KIF26B: variants seen among roughly 807,000 people sequenced by gnomAD.
The protein encoded by KIF26B is kinesin-like protein KIF26B.
KIF26B carries 63 observed loss-of-function variants against 151.2 expected under a neutral mutation model. The observed-to-expected ratio is 0.42, with a 90% CI of 0.34 to 0.51. The LOEUF is 0.51. Among genes scored for constraint, KIF26B ranks in the 20% least tolerant of loss-of-function variants. The probability of loss-of-function intolerance (pLI) is 0.07; values close to 1 mark genes in which losing one functional copy is unlikely to be tolerated. For synonymous variants in KIF26B, 1,357 were observed against 1,262.1 expected, an observed-to-expected ratio of 1.08 and a Z score of -1.59; for missense variants, 2,813 against 2,913.6, an observed-to-expected ratio of 0.97 and a Z score of 0.79.
intron 2 of KIF26B, among the ~76,000 whole-genome samples, chr1:245,229,910 G>A (rs1485028301): frequency 1.3e-5 from 2 of 152,086 alleles, no homozygotes; most frequent in East Asian, 1.9e-4. Context: ...CGAGGTGGGC[G>A]GATCACAAAG....
chr1:245,706,270 TCA>T lies in KIF26B; in HGVS notation c.*3665_*3666del, dbSNP rs1241746881. The T allele has an allele frequency of 6.6e-6, 1 of 152,212 alleles. No individual in the cohort carries two copies. Among genetic ancestry groups the T allele is most frequent in the African/African-American group, 2.4e-5 (1 of 41,466 alleles). The allele number at this position is 152,212 out of a possible 1,614,324, so 9.4% of individuals were successfully genotyped here. ...GCTGCTCAGACTTTCTGATAAAATC[TCA>T]GAGTTCTGTTTGTATTGACCAAAAA... On this transcript the variant is annotated 3_prime_UTR_variant, in exon 15 of 15. Coordinates refer to ENST00000407071, the MANE Select transcript of KIF26B (RefSeq NM_018012.4).
rs187395185 is a variant in KIF26B, at chr1:245,662,107, T to C, written c.2258+15827T>C. ...CAATGATATACATACACACACTCAA[T>C]ATATATATATACCCAATGATATATA... On this transcript the variant is annotated intron_variant, in intron 10 of 14. Transcript: ENST00000407071. Among the ~76,000 whole-genome samples, 43 of 148,418 alleles carry C rather than the reference T, an allele frequency of 2.9e-4. 1 individual carries two copies. In the East Asian group the frequency reaches 6.9e-3, roughly 24 times the overall value.
At chr1:245,424,923 C>A (rs1427320519) in intron 4 of KIF26B, among the ~76,000 whole-genome samples, 1 of 148,522 alleles carries the variant, frequency 6.7e-6, no homozygotes, top group African/African-American at 2.6e-5. Context: ...AATTTCAGTA[C>A]CTTCCCTTTT....
chr1:245,288,165 C>T (rs1270660762), intron 2 of KIF26B, among the ~76,000 whole-genome samples: 1 of 152,128 alleles, frequency 6.6e-6, no homozygotes, highest in African/African-American at 2.4e-5. Context: ...TCCATCTGCT[C>T]TGAATACTTA....
rs2044724283 is a variant in KIF26B, at chr1:245,698,474, T to C, written c.6027+166T>C. On this transcript the variant is annotated intron_variant, in intron 13 of 14. Transcript: ENST00000407071. This position sits in a 1 kb window ranked among gnomAD's most constrained non-coding sequence, Gnocchi z 4.0. ...GGCTTCTGTCCCAGCAAAGGGCCTT[T>C]GGACAGAGGCCTTGGAGAGAGCCCC... is the stretch of plus-strand genomic sequence containing the variant. Among the ~76,000 whole-genome samples the C allele has an allele frequency of 6.6e-6, 1 of 152,146 alleles. No individual in the cohort carries two copies. The highest frequency in any genetic ancestry group is 1.5e-5 in the Non-Finnish European group (1 of 68,028).
chr1:245,448,671 A>C (rs1468371912), intron 4 of KIF26B, among the ~76,000 whole-genome samples: 1 of 152,170 alleles, frequency 6.6e-6, no homozygotes, highest in Admixed American at 6.5e-5. Context: ...CTCTTTCCAC[A>C]TGGTGTGTTC....
At chr1:245,419,829 T>A in intron 4 of KIF26B, 84 bp downstream of exon 4, 1 of 1,284,936 alleles carries the variant, frequency 7.8e-7, no homozygotes, top group Non-Finnish European at 1.1e-6. Context: ...GCTGAAACAC[T>A]AGAAAGAGTT....
In KIF26B at chr1:245,488,376, A is replaced by G. The variant is rs1660326252; in HGVS notation, c.1167-52391A>G. On this transcript the variant is annotated intron_variant, in intron 4 of 14. Transcript: ENST00000407071. The surrounding 1 kb of genome is among the most constrained non-coding windows in gnomAD (Gnocchi z 4.6). Reference sequence around the variant, plus strand: ...GACATTCGGCCAGAATTTTTCCAACAGAACCTAACAATAGATATGCTCTCT... The same window carrying G: ...GACATTCGGCCAGAATTTTTCCAACGGAACCTAACAATAGATATGCTCTCT... 6.6e-6 allele frequency among the ~76,000 whole-genome samples: 1 copy of G among 152,136 alleles called. No homozygotes were observed. The highest frequency in any genetic ancestry group is 6.5e-5 in the Admixed American group (1 of 15,280).
Position 245,155,384 on chromosome 1 carries a change from G to T in KIF26B, c.-41G>T. 1 of 1,541,064 alleles carries T rather than the reference G, an allele frequency of 6.5e-7. No individual in the cohort carries two copies. Among genetic ancestry groups the T allele is most frequent in the African/African-American group, 1.4e-5 (1 of 73,558 alleles). On this transcript the variant is annotated 5_prime_UTR_variant, in exon 1 of 15. Coordinates refer to ENST00000407071, the MANE Select transcript of KIF26B (RefSeq NM_018012.4). ...GGTTGGAGGACCTTCTGGATGTAGC[G>T]TCGGTGGAACCTTTAGATACTCTCC...
intron 3 of KIF26B, among the ~76,000 whole-genome samples, chr1:245,383,384 ACAC>A (rs575087384): frequency 2.0e-3 from 304 of 152,342 alleles, no homozygotes; most frequent in African/African-American, 7.1e-3. Context: ...AATATCCTGA[ACAC>A]AGCCTTCGTG....
intron 2 of KIF26B, among the ~76,000 whole-genome samples, chr1:245,235,027 G>C (rs1670078669): frequency 6.6e-6 from 1 of 152,136 alleles, no homozygotes; most frequent in Admixed American, 6.5e-5. Context: ...TGGTGGAGCT[G>C]AGAGTGTCAA....
chr1:245,245,957 T>A (rs1353249192), intron 2 of KIF26B, among the ~76,000 whole-genome samples: 2 of 147,440 alleles, frequency 1.4e-5, no homozygotes, highest in Non-Finnish European at 3.0e-5. Context: ...CCAGGCATGA[T>A]GGCAGATGCT....
intron 5 of KIF26B, among the ~76,000 whole-genome samples, chr1:245,589,032 G>A (rs539362350): frequency 6.6e-6 from 1 of 152,300 alleles, no homozygotes; most frequent in South Asian, 2.1e-4. Context: ...TTACGAGAAC[G>A]TAGCGTTTGG....
chr1:245,180,965 G>T (rs11809561), intron 2 of KIF26B, among the ~76,000 whole-genome samples: 1 of 151,838 alleles, frequency 6.6e-6, no homozygotes, highest in Non-Finnish European at 1.5e-5. Flanking sequence ...GGGCAAGATA[G>T]GGTGGGGGAC....
chr1:245,471,743 C>T (rs1247542001), intron 4 of KIF26B, among the ~76,000 whole-genome samples: 1 of 151,346 alleles, frequency 6.6e-6, no homozygotes, highest in Admixed American at 6.6e-5. Context: ...ATTCCAGGTG[C>T]TTCAGTATAA....
chr1:245,473,414 C>G (rs1027710368), intron 4 of KIF26B, among the ~76,000 whole-genome samples: 7 of 152,178 alleles, frequency 4.6e-5, no homozygotes, highest in African/African-American at 1.7e-4. Flanking sequence ...CTGTCATTGC[C>G]ATTTGAATGT....
intron 2 of KIF26B, among the ~76,000 whole-genome samples, chr1:245,278,218 A>G (rs963501397): frequency 6.6e-6 from 1 of 152,052 alleles, no homozygotes; most frequent in Admixed American, 6.5e-5. Flanking sequence ...GAGGAGAACA[A>G]TTTACCTGTA....
intron 2 of KIF26B, among the ~76,000 whole-genome samples, chr1:245,283,993 A>T (rs10924150): frequency 0.47 from 71,878 of 151,766 alleles, 17,266 homozygotes; most frequent in East Asian, 0.65. Context: ...GCAGCTTGAG[A>T]ATATGAGCAG....
At chr1:245,211,530 T>G (rs886969394) in intron 2 of KIF26B, among the ~76,000 whole-genome samples, 1 of 152,226 alleles carries the variant, frequency 6.6e-6, no homozygotes, top group Non-Finnish European at 1.5e-5. Context: ...CTCAAGGAGC[T>G]GGGATTACAG....
Sources: gnomAD v4.1 joint callset for allele counts (sites outside exome capture counted in the v4.1 genomes callset) on GRCh38, gnomAD v4.1.1 for gene constraint, Gnocchi (gnomAD v3.1) non-coding constraint, MANE v1.5 for transcripts, NCBI Gene and HGNC (gene_info 2026-07-23, HGNC 2026-07-21) for gene names.